The following GALNT15 variants were observed in gnomAD, a reference collection of about 807,000 sequenced individuals.
The protein encoded by GALNT15 is UDP-GalNAc transferase T15.
A neutral mutation model predicts 66.8 loss-of-function variants in GALNT15; 67 were observed. The ratio of observed to expected loss-of-function variants is 1.00; its 90% CI spans 0.82 to 1.23. The LOEUF (loss-of-function observed/expected upper bound fraction) is 1.23, where lower values mean the gene tolerates loss of function less well. Ranked by LOEUF, GALNT15 falls within the 50% of genes most tolerant of loss-of-function variation. The probability of loss-of-function intolerance (pLI) is 0.00; values close to 1 mark genes in which losing one functional copy is unlikely to be tolerated. For synonymous variants in GALNT15, 313 were observed against 311.5 expected, an observed-to-expected ratio of 1.00 and a Z score of -0.05; for missense variants, 827 against 804.3, an observed-to-expected ratio of 1.03 and a Z score of -0.34.
rs59236720 is a variant in GALNT15 at position 16,226,399 on chromosome 3, G to GA, written c.1774-946dup. ...ACATACCTGAGACTGGGTAGTTTAT[G>GA]AAAAAAAAAGAGGTTTAATTGACTC... On this transcript the variant is annotated intron_variant, in intron 9 of 9. Transcript: ENST00000339732. 9.1e-4 allele frequency among the ~76,000 whole-genome samples: 137 copies of GA among 151,212 alleles called. 2 individuals carry two copies. In the East Asian group the frequency reaches 0.022, roughly 25 times the overall value.
rs2063387316 is a variant in GALNT15 at position 16,174,818 on chromosome 3, A to G, written c.-334A>G. The G allele has an allele frequency of 3.0e-6, 1 of 332,052 alleles. No individual in the cohort carries two copies. The allele number at this position is 332,052 out of a possible 1,614,324, so 20.6% of individuals were successfully genotyped here. On this transcript the variant is annotated 5_prime_UTR_variant, in exon 1 of 10. Coordinates refer to ENST00000339732, the MANE Select transcript of GALNT15 (RefSeq NM_054110.5). This position sits in a 1 kb window ranked among gnomAD's most constrained non-coding sequence, Gnocchi z 4.7. ...AAGGGGGAAAGAAACACCTGAGCAG[A>G]ATGGAATCATTATTTTTTTCCCAAG... is the stretch of plus-strand genomic sequence containing the variant.
Position 16,228,300 on chromosome 3 carries a change from G to A in GALNT15, c.*800G>A. 1 of 985,778 alleles carries A rather than the reference G, an allele frequency of 1.0e-6. No homozygotes were observed. Among genetic ancestry groups the A allele is most frequent in the Non-Finnish European group, 1.2e-6 (1 of 829,942 alleles). The allele number at this position is 985,778 out of a possible 1,614,324, so 61.1% of individuals were successfully genotyped here. A position where few individuals can be genotyped will look rare whatever the true frequency, so the allele number is the denominator to read the frequency against. On this transcript the variant is annotated 3_prime_UTR_variant, in exon 10 of 10. Transcript: ENST00000339732. ...TTCTCTTTAGTCGTTGGTGTTAGAA[G>A]TACCAGCACAATTTGAGCATTCCCA...
rs1438889108 is a variant in GALNT15, at chr3:16,179,764, G to C, written c.539+4074G>C. On this transcript the variant is annotated intron_variant, in intron 1 of 9. Coordinates refer to ENST00000339732, the MANE Select transcript of GALNT15 (RefSeq NM_054110.5). ...AAACTCAATGAAATGGTTGTGCTGT[G>C]GGAAAGGGAGGGTCCTCGGGGCAGA... Among the ~76,000 whole-genome samples the C allele has an allele frequency of 2.0e-5, 3 of 152,204 alleles. No homozygotes were observed. In the East Asian group the frequency reaches 5.8e-4, roughly 29 times the overall value.
Position 16,180,912 on chromosome 3 carries a change from T to A in GALNT15, c.539+5222T>A, listed in dbSNP as rs942290808. Reference sequence around the variant, plus strand: ...TGAATCCTGGTACCACCTGTTACTGTGTGACCTTGTACAAGTCACTCAACC... The same window carrying A: ...TGAATCCTGGTACCACCTGTTACTGAGTGACCTTGTACAAGTCACTCAACC... On this transcript the variant is annotated intron_variant, in intron 1 of 9. Coordinates refer to ENST00000339732, the MANE Select transcript of GALNT15 (RefSeq NM_054110.5). This position sits in a 1 kb window ranked among gnomAD's most constrained non-coding sequence, Gnocchi z 5.0. Among the ~76,000 whole-genome samples, 2 of 152,258 alleles carry A rather than the reference T, an allele frequency of 1.3e-5. No homozygotes were observed. The highest frequency in any genetic ancestry group is 1.5e-5 in the Non-Finnish European group (1 of 68,048).
At position 16,209,950 on chromosome 3, in the gene GALNT15, ATAT is replaced by A. The variant is rs1306205283; in HGVS notation, c.1080-1171_1080-1169del. Reference sequence around the variant, plus strand: ...AAAATATGTGTGTTTCATCAAAGAAATATTAGTATATTTGACTAAAGAGTGCCG... The same window carrying A: ...AAAATATGTGTGTTTCATCAAAGAAATAGTATATTTGACTAAAGAGTGCCG... On this transcript the variant is annotated intron_variant, in intron 4 of 9. Transcript: ENST00000339732. This position sits in a 1 kb window ranked among gnomAD's most constrained non-coding sequence, Gnocchi z 4.1. Among the ~76,000 whole-genome samples the A allele has an allele frequency of 6.6e-6, 1 of 152,240 alleles. No individual in the cohort carries two copies. The highest frequency in any genetic ancestry group is 1.9e-4 in the East Asian group (1 of 5,204).
intron 3 of GALNT15, among the ~76,000 whole-genome samples, chr3:16,202,148 T>C (rs1226408105): frequency 6.6e-6 from 1 of 152,210 alleles, no homozygotes; most frequent in Non-Finnish European, 1.5e-5. Context: ...TTTCAAACGT[T>C]CAAATGACAG....
chr3:16,199,030 G>T (rs2063671625), intron 2 of GALNT15, among the ~76,000 whole-genome samples: 1 of 142,764 alleles, frequency 7.0e-6, no homozygotes, highest in Non-Finnish European at 1.6e-5. Context: ...TGCACTAAGG[G>T]TTAGAGCAGA....
chr3:16,193,162 T>TC lies in GALNT15; in HGVS notation c.540-2594dup, dbSNP rs549031873. ...AAAATTACTAGAAAGAGTGTTGCTT[T>TC]CCCCAAAAACCTTGCATGTAACTTC... On this transcript the variant is annotated intron_variant, in intron 1 of 9. Coordinates refer to ENST00000339732, the MANE Select transcript of GALNT15 (RefSeq NM_054110.5). The surrounding 1 kb of genome is among the most constrained non-coding windows in gnomAD (Gnocchi z 4.7). 2.6e-4 allele frequency among the ~76,000 whole-genome samples: 39 copies of TC among 152,252 alleles called. No homozygotes were observed. Among genetic ancestry groups the TC allele is most frequent in the Non-Finnish European group, 4.9e-4 (33 of 68,012 alleles).
intron 9 of GALNT15, among the ~76,000 whole-genome samples, chr3:16,222,995 C>G (rs979741552): frequency 2.6e-5 from 4 of 152,134 alleles, no homozygotes; most frequent in Non-Finnish European, 5.9e-5. Flanking sequence ...AGCTCTGATG[C>G]TTGTCATTGC....
chr3:16,179,858 A>T (rs1308302378), intron 1 of GALNT15, among the ~76,000 whole-genome samples: 1 of 152,166 alleles, frequency 6.6e-6, no homozygotes, highest in Non-Finnish European at 1.5e-5. Flanking sequence ...CGCAAACAGG[A>T]ACGGGATTAA....
Position 16,200,481 on chromosome 3 carries a change from C to T in GALNT15, c.707-138C>T, listed in dbSNP as rs1482860203. 1.8e-6 allele frequency: 1 copy of T among 541,472 alleles called. No individual in the cohort carries two copies. The highest frequency in any genetic ancestry group is 3.4e-5 in the East Asian group (1 of 28,986). The allele number at this position is 541,472 out of a possible 1,614,324, so 33.5% of individuals were successfully genotyped here. ...ATCTTACATCTCAGCAACAACCACA[C>T]TGTAGTAATGTTTTCGGTTCTTAGG... On this transcript the variant is annotated intron_variant, in intron 2 of 9. Coordinates refer to ENST00000339732, the MANE Select transcript of GALNT15 (RefSeq NM_054110.5). This position sits in a 1 kb window ranked among gnomAD's most constrained non-coding sequence, Gnocchi z 4.4.
rs150818748 is a variant in GALNT15, at chr3:16,199,395, G to A, written c.707-1224G>A. On this transcript the variant is annotated intron_variant, in intron 2 of 9. Coordinates refer to ENST00000339732, the MANE Select transcript of GALNT15 (RefSeq NM_054110.5). ...TTTTTCATCTTCCGTTTTCTCTCCC[G>A]GACCCACTGTGTTGCAGACTCCCCT... Among the ~76,000 whole-genome samples the A allele has an allele frequency of 4.2e-4, 59 of 141,150 alleles. 6 individuals carry two copies. The highest frequency in any genetic ancestry group is 7.7e-4 in the Non-Finnish European group (49 of 64,006). The allele number at this position is 141,150 out of a possible 152,430, so 92.6% of individuals were successfully genotyped here.
downstream of GALNT15, chr3:16,231,955 T>C: frequency 6.6e-7 from 1 of 1,509,030 alleles, no homozygotes; most frequent in Non-Finnish European, 8.8e-7. The surrounding 1 kb of genome is among the most constrained non-coding windows in gnomAD (Gnocchi z 4.1). Context: ...GGTGGCATTG[T>C]TTAATGTCTT....
At position 16,203,520 on chromosome 3, in the gene GALNT15, T is replaced by TTCTCTCTC. The variant is rs56306167; in HGVS notation, c.911+2714_911+2721dup. ...TCTCTCTCTGTCTCTTGGTCACTCA[T>TTCTCTCTC]TCTCTCTCTCTCTCTCTCTCTCTCA... On this transcript the variant is annotated intron_variant, in intron 3 of 9. Transcript: ENST00000339732. The surrounding 1 kb of genome is among the most constrained non-coding windows in gnomAD (Gnocchi z 6.2). Among the ~76,000 whole-genome samples the TTCTCTCTC allele has an allele frequency of 2.6e-5, 3 of 114,300 alleles. No individual in the cohort carries two copies. Among genetic ancestry groups the TTCTCTCTC allele is most frequent in the African/African-American group, 1.1e-4 (3 of 27,110 alleles). The allele number at this position is 114,300 out of a possible 152,430, so 75.0% of individuals were successfully genotyped here.
chr3:16,218,808 C>CT (rs2063908046), intron 6 of GALNT15, among the ~76,000 whole-genome samples: 5 of 131,098 alleles, frequency 3.8e-5, no homozygotes, highest in African/African-American at 1.5e-4. Flanking sequence ...CTCTCTCTCT[C>CT]TCTTTTTTTT....
rs1317374478 is a variant in GALNT15, at chr3:16,189,636, A to G, written c.540-6124A>G. ...TAACCCTACTTGTTATCCTCATTTT[A>G]TAGATGAAGAAATTGAAGCTAGAAA... On this transcript the variant is annotated intron_variant, in intron 1 of 9. Coordinates refer to ENST00000339732, the MANE Select transcript of GALNT15 (RefSeq NM_054110.5). This position sits in a 1 kb window ranked among gnomAD's most constrained non-coding sequence, Gnocchi z 5.1. Among the ~76,000 whole-genome samples the G allele has an allele frequency of 1.3e-5, 2 of 152,208 alleles. No individual in the cohort carries two copies. Among genetic ancestry groups the G allele is most frequent in the South Asian group, 2.1e-4 (1 of 4,836 alleles).
chr3:16,240,526 T>A, the GALNT15 span, among the ~76,000 whole-genome samples: 1 of 152,240 alleles, frequency 6.6e-6, no homozygotes, highest in Non-Finnish European at 1.5e-5. Flanking sequence ...AGTGCTCCTT[T>A]TGATGCATTT....
chr3:16,217,030 G>A (rs2063886712), intron 6 of GALNT15, among the ~76,000 whole-genome samples: 2 of 152,148 alleles, frequency 1.3e-5, no homozygotes, highest in Non-Finnish European at 2.9e-5. Flanking sequence ...GGTTGGGGGG[G>A]TCGGGGAAAA....
At chr3:16,232,474 ATATATATATATATAT>A (rs2064092901), downstream of GALNT15, among the ~76,000 whole-genome samples, 7 of 51,764 alleles carry the variant, frequency 1.4e-4, no homozygotes, top group Admixed American at 4.0e-4. Context: ...AAATAAATAT[ATATATATATATATAT>A]ATATATATAT....
Sources: gnomAD v4.1 joint callset for allele counts (sites outside exome capture counted in the v4.1 genomes callset) on GRCh38, gnomAD v4.1.1 for gene constraint, Gnocchi (gnomAD v3.1) non-coding constraint, MANE v1.5 for transcripts, NCBI Gene and HGNC (gene_info 2026-07-23, HGNC 2026-07-21) for gene names.